The following ANK1 variants were observed in gnomAD, a reference collection of about 807,000 sequenced individuals.
ANK1 encodes ankyrin-1.
Under a neutral mutation model 210.4 loss-of-function variants are expected in ANK1, and 51 were observed. The observed-to-expected ratio is 0.24, with a 90% CI of 0.19 to 0.31. The LOEUF (loss-of-function observed/expected upper bound fraction) is 0.31, where lower values mean the gene tolerates loss of function less well. Ranked by LOEUF, ANK1 falls within the 10% of genes least tolerant of loss-of-function variation. ANK1 has a pLI of 1.00. For missense variants in ANK1, 2,051 were observed against 2,504.4 expected (o/e 0.82, Z 3.86); for synonymous variants, 967 against 1,025.9 (o/e 0.94, Z 1.10).
chr8:41,717,466 T>A, intron 12 of ANK1, 138 bp downstream of exon 12: 1 of 836,240 alleles, frequency 1.2e-6, no homozygotes, highest in Non-Finnish European at 2.0e-6. Context: ...CACAGGGATG[T>A]CCTCCCCCAG....
At chr8:41,665,524 G>T in intron 39 of ANK1, 1 of 333,676 alleles carries the variant, frequency 3.0e-6, no homozygotes, top group Non-Finnish European at 5.9e-6. Context: ...CCCAGGGAAA[G>T]TTTCTTACTT....
At chr8:41,755,224 C>T (rs954311993) in intron 2 of ANK1, among the ~76,000 whole-genome samples, 2 of 152,192 alleles carry the variant, frequency 1.3e-5, no homozygotes, top group Non-Finnish European at 2.9e-5. Context: ...CAAAACGAAC[C>T]GAAGAGGTGC....
At chr8:41,746,133 GA>G (rs1390410593) in intron 2 of ANK1, among the ~76,000 whole-genome samples, 6 of 152,216 alleles carry the variant, frequency 3.9e-5, no homozygotes, top group Non-Finnish European at 5.9e-5. Context: ...GCTGATGGGG[GA>G]GACCTCTTCT....
intron 1 of ANK1, among the ~76,000 whole-genome samples, chr8:41,822,886 G>T (rs962528854): frequency 6.6e-6 from 1 of 152,190 alleles, no homozygotes; most frequent in Non-Finnish European, 1.5e-5. Flanking sequence ...GGGCGATTTG[G>T]ATGTCAGCCC....
rs1168478598 is a variant in ANK1, at chr8:41,795,263, G to A, written c.27+2249C>T. On this transcript the variant is annotated intron_variant, in intron 1 of 42. Coordinates refer to ENST00000289734, the MANE Select transcript of ANK1 (RefSeq NM_000037.4). Reference sequence around the variant, plus strand: ...CGCAGCGGCTCACGCCTGTAATGCCGGCACTTTGGGAGGCTGAAGCGGGTG... The same window carrying A: ...CGCAGCGGCTCACGCCTGTAATGCCAGCACTTTGGGAGGCTGAAGCGGGTG... Among the ~76,000 whole-genome samples the A allele has an allele frequency of 1.1e-4, 17 of 152,144 alleles. No homozygotes were observed. In the South Asian group the frequency reaches 1.7e-3, roughly 15 times the overall value.
At chr8:41,844,528 C>T (rs1479778662) in intron 1 of ANK1, among the ~76,000 whole-genome samples, 1 of 152,144 alleles carries the variant, frequency 6.6e-6, no homozygotes, top group African/African-American at 2.4e-5. Flanking sequence ...CCCCCACACA[C>T]ACACTGCCAC....
At chr8:41,851,623 G>T (rs1410638022) in intron 1 of ANK1, among the ~76,000 whole-genome samples, 1 of 152,260 alleles carries the variant, frequency 6.6e-6, no homozygotes, top group Non-Finnish European at 1.5e-5. Context: ...GGCTAAGACG[G>T]GAGGATTGCT....
chr8:41,689,410 G>A (rs1322395934), intron 33 of ANK1, among the ~76,000 whole-genome samples: 2 of 151,928 alleles, frequency 1.3e-5, no homozygotes, highest in African/African-American at 4.8e-5. Context: ...TTACAGGCAT[G>A]AGCCTCTGCG....
chr8:41,669,814 T>C (rs894894136), intron 38 of ANK1, among the ~76,000 whole-genome samples: 1 of 152,216 alleles, frequency 6.6e-6, no homozygotes, highest in African/African-American at 2.4e-5. Context: ...TCTGCCAGGT[T>C]GCGCCAGCCT....
intron 37 of ANK1, among the ~76,000 whole-genome samples, chr8:41,674,835 A>G (rs2150566181): frequency 6.6e-6 from 1 of 152,298 alleles, no homozygotes; most frequent in East Asian, 1.9e-4. Context: ...AGCTCTGGCC[A>G]AACTAGGAAG....
intron 1 of ANK1, chr8:41,829,658 C>G (rs1806206035): frequency 6.6e-6 from 1 of 152,240 alleles, no homozygotes; most frequent in East Asian, 1.9e-4. Context: ...AAATCTGGGC[C>G]GGGCGCAGTG....
At position 41,703,450 on chromosome 8, in the gene ANK1, ATTTTT is replaced by A. The variant is rs58196949; in HGVS notation, c.2295+586_2295+590del. ...TATATATATATATATATATATATATATTTTTTTTTTTTTTTTAAGACACAAGGTCT... is the reference window on the plus strand; with the variant it reads ...TATATATATATATATATATATATATATTTTTTTTTTTAAGACACAAGGTCT... On this transcript the variant is annotated intron_variant, in intron 20 of 42. Coordinates refer to ENST00000289734, the MANE Select transcript of ANK1 (RefSeq NM_000037.4). Among the ~76,000 whole-genome samples, 12 of 58,818 alleles carry A rather than the reference ATTTTT, an allele frequency of 2.0e-4. No individual in the cohort carries two copies. The East Asian group carries it at 3.2e-3, about 16-fold the overall frequency. 38.6% of individuals were successfully genotyped at this position (58,818 alleles called of 152,430 possible). A position where few individuals can be genotyped will look rare whatever the true frequency, so the allele number is the denominator to read the frequency against.
At chr8:41,755,751 C>T (rs1838980247) in intron 2 of ANK1, among the ~76,000 whole-genome samples, 1 of 152,168 alleles carries the variant, frequency 6.6e-6, no homozygotes, top group African/African-American at 2.4e-5. Context: ...CTCTTGGCAT[C>T]AAAAAATGGG....
At chr8:41,661,219 T>G in intron 42 of ANK1, 2 of 681,012 alleles carry the variant, frequency 2.9e-6, no homozygotes, top group Non-Finnish European at 2.4e-6. Context: ...GATAAGTGGA[T>G]ATTATTAACT....
chr8:41,763,203 G>A (rs1840847467), intron 1 of ANK1, among the ~76,000 whole-genome samples: 2 of 119,456 alleles, frequency 1.7e-5, no homozygotes, highest in Non-Finnish European at 3.4e-5. Context: ...GACAGAGAGA[G>A]ACTCTGTCTC....
intron 1 of ANK1, among the ~76,000 whole-genome samples, chr8:41,870,864 G>A (rs547609317): frequency 2.0e-5 from 3 of 152,118 alleles, no homozygotes; most frequent in Non-Finnish European, 4.4e-5. Flanking sequence ...GTCATGGGTC[G>A]GAGCCTCTGC....
In ANK1 at chr8:41,672,409, C is replaced by A. The variant is rs746117507; in HGVS notation, c.5041G>T (p.Ala1681Ser). 54 of 1,614,110 alleles carry A rather than the reference C, an allele frequency of 3.3e-5. No individual in the cohort carries two copies. Among genetic ancestry groups the A allele is most frequent in the Non-Finnish European group, 4.0e-5 (47 of 1,180,046 alleles). Residue 1681 changes from alanine to serine, a missense_variant, in exon 38 of 43, where the codon GCC becomes TCC. This residue lies in a region of ANK1 where 496 missense variants were observed against 533.4 expected (regional missense o/e 0.93). Coordinates refer to ENST00000289734, the MANE Select transcript of ANK1 (RefSeq NM_000037.4). Reference sequence around the variant, plus strand: ...ACGGTGGGGGAATGTGTGATTCGGGCTTGCCCCCTCTGATGGCCTGAAACA... The same window carrying A: ...ACGGTGGGGGAATGTGTGATTCGGGATTGCCCCCTCTGATGGCCTGAAACA... ...SLVSGHQRGQ[A>S]RITHSPTVSQ...
intron 1 of ANK1, among the ~76,000 whole-genome samples, chr8:41,861,834 G>A (rs1336533122): frequency 1.3e-5 from 2 of 152,224 alleles, no homozygotes; most frequent in Non-Finnish European, 2.9e-5. Flanking sequence ...GAATCTTACA[G>A]GAGACTCACA....
chr8:41,823,567 T>C (rs948664924), intron 1 of ANK1, among the ~76,000 whole-genome samples: 9 of 151,804 alleles, frequency 5.9e-5, no homozygotes, highest in Non-Finnish European at 1.3e-4. Context: ...GAGACCAGCC[T>C]GGGCAACACA....
Sources: gnomAD v4.1 joint callset for allele counts (sites outside exome capture counted in the v4.1 genomes callset) on GRCh38, gnomAD v4.1.1 for gene constraint, gnomAD v4.1.1 regional missense constraint, MANE v1.5 for transcripts, NCBI Gene and HGNC (gene_info 2026-07-23, HGNC 2026-07-21) for gene names.